Variants in UGGT2 observed in about 807,000 individuals in gnomAD.
The protein encoded by UGGT2 is UDP-glucose:glycoprotein glucosyltransferase 2.
A neutral mutation model predicts 192.1 loss-of-function variants in UGGT2; 180 were observed. The ratio of observed to expected loss-of-function variants is 0.94; its 90% CI spans 0.83 to 1.06. UGGT2 has a LOEUF of 1.06. Ranked by LOEUF, UGGT2 falls within the 50% of genes least tolerant of loss-of-function variation. The probability of loss-of-function intolerance (pLI) is 0.00; values close to 1 mark genes in which losing one functional copy is unlikely to be tolerated. For synonymous variants in UGGT2, 580 were observed against 591.0 expected, an observed-to-expected ratio of 0.98 and a Z score of 0.27; for missense variants, 1,849 against 1,795.7, an observed-to-expected ratio of 1.03 and a Z score of -0.54.
intron 27 of UGGT2, among the ~76,000 whole-genome samples, chr13:95,879,275 A>G (rs890289385): frequency 6.6e-6 from 1 of 152,194 alleles, no homozygotes; most frequent in African/African-American, 2.4e-5. Context: ...TTGTTCCTAT[A>G]TATTTATATA....
At chr13:95,867,245 A>C in intron 30 of UGGT2, 94 bp downstream of exon 30, 2 of 1,109,432 alleles carry the variant, frequency 1.8e-6, no homozygotes, top group Non-Finnish European at 2.6e-6. Flanking sequence ...AAAATTGTAA[A>C]GTTAATTGTA....
intron 10 of UGGT2, among the ~76,000 whole-genome samples, chr13:95,981,590 G>C (rs1444560485): frequency 6.6e-6 from 1 of 152,022 alleles, no homozygotes; most frequent in African/African-American, 2.4e-5. Context: ...AATTGACCTG[G>C]TGTAAATAAA....
chr13:95,856,760 CA>C (rs1315387493), intron 33 of UGGT2: 3 of 319,580 alleles, frequency 9.4e-6, no homozygotes, highest in South Asian at 2.7e-5. Context: ...AGAGAGGATA[CA>C]AAAAACACAA....
intron 28 of UGGT2, 40 bp from the exon 29 acceptor site, chr13:95,877,404 C>T: frequency 1.3e-6 from 2 of 1,498,784 alleles, no homozygotes; most frequent in South Asian, 1.2e-5. Flanking sequence ...AGTAATATGA[C>T]TAAAAACCAT....
chr13:95,822,974 T>C (rs1033147443), intron 38 of UGGT2, among the ~76,000 whole-genome samples: 1 of 152,138 alleles, frequency 6.6e-6, no homozygotes, highest in African/African-American at 2.4e-5. Flanking sequence ...CCAGAGGTTT[T>C]GATAACTTGT....
chr13:95,983,024 AC>A (rs2051176013), intron 10 of UGGT2, among the ~76,000 whole-genome samples: 1 of 152,092 alleles, frequency 6.6e-6, no homozygotes, highest in Non-Finnish European at 1.5e-5. Flanking sequence ...TTAGCACCAT[AC>A]CCAGGCCACT....
At chr13:95,932,307 T>TGTGTGTGTGTGTGTG (rs1566720000) in intron 17 of UGGT2, among the ~76,000 whole-genome samples, 4 of 107,270 alleles carry the variant, frequency 3.7e-5, no homozygotes, top group Non-Finnish European at 7.7e-5. Context: ...CCTAGGTATT[T>TGTGTGTGTGTGTGTG]TATTTGTGTG....
chr13:95,926,968 T>C (rs776470141), intron 19 of UGGT2, 60 bp downstream of exon 19: 17 of 1,439,080 alleles, frequency 1.2e-5, no homozygotes, highest in Non-Finnish European at 1.5e-5. Flanking sequence ...ACAACTGCCT[T>C]ATGAACATTA....
chr13:95,827,743 T>C (rs74913322), intron 38 of UGGT2, among the ~76,000 whole-genome samples: 246 of 152,332 alleles, frequency 1.6e-3, no homozygotes, highest in African/African-American at 5.5e-3. Context: ...GGCAGCACTT[T>C]GACCCACTTC....
intron 1 of UGGT2, among the ~76,000 whole-genome samples, chr13:96,043,589 A>T (rs1055132689): frequency 2.0e-5 from 3 of 152,154 alleles, no homozygotes; most frequent in Non-Finnish European, 4.4e-5. Context: ...AATGGATAAG[A>T]ATTCACCAAC....
In UGGT2 at chr13:95,832,914, G is replaced by A. The variant is rs774345575; in HGVS notation, c.4528+13C>T. ...ACGCATGTTTCAGACATCACAACACGTTGATGACTTACTTGTATCTTGCTT... is the reference window on the plus strand; with the variant it reads ...ACGCATGTTTCAGACATCACAACACATTGATGACTTACTTGTATCTTGCTT... On this transcript the variant is annotated intron_variant, in intron 38 of 38. Coordinates refer to ENST00000376747, the MANE Select transcript of UGGT2 (RefSeq NM_020121.4). 12 of 1,611,140 alleles carry A rather than the reference G, an allele frequency of 7.4e-6. No homozygotes were observed. The African/African-American group carries it at 9.3e-5, about 13-fold the overall frequency.
At position 96,013,232 on chromosome 13, in the gene UGGT2, A is replaced by C; in HGVS notation, c.660+75T>G. On this transcript the variant is annotated intron_variant, in intron 5 of 38. Transcript: ENST00000376747. Reference sequence around the variant, plus strand: ...TATTCTGGTGAAAATTAATATTTAAATCTAGTAAGACGATTATCATAATAA... The same window carrying C: ...TATTCTGGTGAAAATTAATATTTAACTCTAGTAAGACGATTATCATAATAA... 5.8e-6 allele frequency: 8 copies of C among 1,378,878 alleles called. 2 individuals are homozygous for C. The South Asian group carries it at 1.2e-4, about 20-fold the overall frequency. The allele number at this position is 1,378,878 out of a possible 1,614,324, so 85.4% of individuals were successfully genotyped here.
chr13:95,995,960 T>C, intron 7 of UGGT2, 103 bp downstream of exon 7: 5 of 955,374 alleles, frequency 5.2e-6, no homozygotes, highest in Non-Finnish European at 1.7e-6. Context: ...TTGTACTTTC[T>C]ACATAAAAGA....
rs557245601 is a variant in UGGT2 at position 95,856,420 on chromosome 13, G to A, written c.3826-80C>T. ...TTAGAGAAAAAAATAACATTAAAAA[G>A]GTAAAGCTTCCTATAAATTGTTATA... On this transcript the variant is annotated intron_variant, in intron 33 of 38. Transcript: ENST00000376747. 5 of 1,464,238 alleles carry A rather than the reference G, an allele frequency of 3.4e-6. No homozygotes were observed. The African/African-American group carries it at 4.3e-5, about 13-fold the overall frequency. 90.7% of individuals were successfully genotyped at this position (1,464,238 alleles called of 1,614,324 possible).
chr13:95,919,584 G>A (rs1289672621), intron 20 of UGGT2, among the ~76,000 whole-genome samples: 6 of 152,080 alleles, frequency 3.9e-5, no homozygotes, highest in African/African-American at 1.4e-4. Context: ...CAAGTAGGCA[G>A]AGAGCCATCC....
chr13:96,034,322 G>A (rs896203519), intron 1 of UGGT2, among the ~76,000 whole-genome samples: 7 of 152,288 alleles, frequency 4.6e-5, no homozygotes, highest in African/African-American at 7.2e-5. Context: ...TGACAGCTGC[G>A]CTCATCAAGA....
At chr13:95,914,775 CCTGGGCGA>C (rs1230014274) in intron 20 of UGGT2, among the ~76,000 whole-genome samples, 2 of 150,910 alleles carry the variant, frequency 1.3e-5, no homozygotes, top group Admixed American at 6.6e-5. Context: ...CGCACTCCAG[CCTGGGCGA>C]CTGAGTGAGA....
intron 1 of UGGT2, among the ~76,000 whole-genome samples, chr13:96,041,713 G>A (rs556452091): frequency 1.3e-5 from 2 of 152,270 alleles, no homozygotes; most frequent in African/African-American, 2.4e-5. Flanking sequence ...GGCCTTTTGG[G>A]TTGCATGGGA....
chr13:95,845,150 C>T, intron 36 of UGGT2, among the ~76,000 whole-genome samples: 1 of 150,652 alleles, frequency 6.6e-6, no homozygotes, highest in South Asian at 2.1e-4. Context: ...TTCATGTGGT[C>T]ACGATTCATG....
Sources: gnomAD v4.1 joint callset for allele counts (sites outside exome capture counted in the v4.1 genomes callset) on GRCh38, gnomAD v4.1.1 for gene constraint, MANE v1.5 for transcripts, NCBI Gene and HGNC (gene_info 2026-07-23, HGNC 2026-07-21) for gene names.